The following POTEJ variants were observed in gnomAD, a reference collection of about 807,000 sequenced individuals.
POTEJ encodes the protein POTE ankyrin domain family member J.
Under a neutral mutation model 69.0 loss-of-function variants are expected in POTEJ, and 11 were observed. The ratio of observed to expected loss-of-function variants is 0.16; its 90% CI spans 0.10 to 0.26. The LOEUF is 0.26. POTEJ is among the 10% of genes least tolerant of loss of function. The pLI is 1.00. For missense variants in POTEJ, 327 were observed against 1,045.5 expected, an observed-to-expected ratio of 0.31 and a Z score of 9.48; for synonymous variants, 117 against 381.1, an observed-to-expected ratio of 0.31 and a Z score of 8.07.
At position 130,611,927 on chromosome 2, in the gene POTEJ, AG is replaced by A; in HGVS notation, c.397del (p.Asp133ThrfsTer19). 6.6e-7 allele frequency: 1 copy of A among 1,525,338 alleles called. No homozygotes were observed. The highest frequency in any genetic ancestry group is 9.0e-7 in the Non-Finnish European group (1 of 1,110,254). 94.5% of individuals were successfully genotyped at this position (1,525,338 alleles called of 1,614,324 possible). A position where few individuals can be genotyped will look rare whatever the true frequency, so the allele number is the denominator to read the frequency against. The part of the protein sequence containing the change: ...VMLRDTDVNK[Q>X]DKQKRTALHL... The stretch of plus-strand genomic sequence containing the variant: ...CTCAGGGACACTGACGTGAACAAGC[AG>A]GACAAGCAAAAGAGGTAACCAGGCC... On this transcript the variant is annotated frameshift_variant, in exon 1 of 15. Transcript: ENST00000409602. LOFTEE classifies it high-confidence loss of function.
chr2:130,612,476 G>T (rs1303201408), intron 1 of POTEJ, among the ~76,000 whole-genome samples: 8 of 152,262 alleles, frequency 5.3e-5, no homozygotes, highest in African/African-American at 9.7e-5. Context: ...CTTAAGATGT[G>T]AGCTTTTTGG....
chr2:130,637,595 G>T (rs1410825619), intron 9 of POTEJ, among the ~76,000 whole-genome samples: 15 of 152,198 alleles, frequency 9.9e-5, no homozygotes, highest in African/African-American at 3.4e-4. Context: ...TGTGATTTGC[G>T]CAATAAAAAT....
Position 130,636,866 on chromosome 2 carries a change from G to T in POTEJ, c.1299-1753G>T, listed in dbSNP as rs1188377228. Among the ~76,000 whole-genome samples the T allele has an allele frequency of 2.0e-5, 3 of 147,372 alleles. 1 individual carries two copies. Among genetic ancestry groups the T allele is most frequent in the Non-Finnish European group, 3.0e-5 (2 of 65,610 alleles). On this transcript the variant is annotated intron_variant, in intron 9 of 14. Coordinates refer to ENST00000409602, the MANE Select transcript of POTEJ (RefSeq NM_001277083.2). ...ACAGCACTTTGGGAGGCCAAGGCAG[G>T]CGGATCACGAGGTCAGGAGATCGAG...
intron 10 of POTEJ, among the ~76,000 whole-genome samples, chr2:130,640,572 T>A (rs1439817981): frequency 2.0e-5 from 3 of 151,892 alleles, no homozygotes; most frequent in Non-Finnish European, 2.9e-5. Flanking sequence ...TCTCCTTTCG[T>A]GGTTGGCTAA....
intron 10 of POTEJ, among the ~76,000 whole-genome samples, chr2:130,641,850 A>G (rs1220005802): frequency 5.3e-5 from 8 of 152,230 alleles, no homozygotes; most frequent in East Asian, 1.9e-4. Flanking sequence ...TCTGAAAGTC[A>G]GTAATAAATG....
chr2:130,629,496 TAC>T (rs1685829345), intron 6 of POTEJ, among the ~76,000 whole-genome samples: 1 of 140,458 alleles, frequency 7.1e-6, no homozygotes, highest in Non-Finnish European at 1.5e-5. Flanking sequence ...CTGGAGCCCA[TAC>T]CTGTGGGCTC....
chr2:130,657,033 G>T lies in POTEJ; in HGVS notation c.2273G>T (p.Arg758Leu), dbSNP rs566028178. The part of the protein sequence containing the change: ...IWHHTFYNEL[R>L]VAPEEHPILL... The stretch of plus-strand genomic sequence containing the variant: ...CACCACACCTTCTACAACGAGCTGC[G>T]TGTGGCCCCCGAGGAGCACCCCATC... Residue 758 changes from arginine to leucine, a missense_variant, in exon 15 of 15, where the codon CGT becomes CTT. By Grantham distance (102) the Arg-to-Leu change is moderately radical. Coordinates refer to ENST00000409602, the MANE Select transcript of POTEJ (RefSeq NM_001277083.2). 2.4e-4 allele frequency: 384 copies of T among 1,582,280 alleles called. 37 individuals carry two copies. Among genetic ancestry groups the T allele is most frequent in the Non-Finnish European group, 3.1e-4 (363 of 1,157,288 alleles).
chr2:130,637,649 C>T (rs1253617594), intron 9 of POTEJ, among the ~76,000 whole-genome samples: 25 of 152,374 alleles, frequency 1.6e-4, no homozygotes, highest in East Asian at 3.9e-4. Flanking sequence ...AGCCAAATAA[C>T]GTGTGGGGTG....
At position 130,625,888 on chromosome 2, in the gene POTEJ, A is replaced by C. The variant is rs1244048631; in HGVS notation, c.1015+1754A>C. On this transcript the variant is annotated intron_variant, in intron 6 of 14. Transcript: ENST00000409602. ...CCGGGTAGAATGCTTTGGACTGCAA[A>C]TACTAGATGAACAGTGGCTAAAACA... 3.0e-5 allele frequency among the ~76,000 whole-genome samples: 4 copies of C among 134,360 alleles called. 1 individual carries two copies. Among genetic ancestry groups the C allele is most frequent in the Non-Finnish European group, 6.2e-5 (4 of 64,030 alleles). 88.1% of individuals were successfully genotyped at this position (134,360 alleles called of 152,430 possible).
At position 130,624,103 on chromosome 2, in the gene POTEJ, G is replaced by T; in HGVS notation, c.984G>T (p.Met328Ile). 1 of 1,424,626 alleles carries T rather than the reference G, an allele frequency of 7.0e-7. No individual in the cohort carries two copies. Among genetic ancestry groups the T allele is most frequent in the South Asian group, 1.2e-5 (1 of 80,414 alleles). The allele number at this position is 1,424,626 out of a possible 1,614,324, so 88.2% of individuals were successfully genotyped here. ...QLLSDYKEKQ[M>I]LKISSENSNP... ...TTTCTGACTACAAAGAAAAACAGAT[G>T]CTAAAAATCTCTTCTGAAAACAGCA... Residue 328 changes from methionine (M) to isoleucine (I), a missense_variant, in exon 6 of 15, where the codon ATG (methionine) becomes ATT (isoleucine). Transcript: ENST00000409602.
chr2:130,641,870 A>C (rs1686391488), intron 10 of POTEJ, among the ~76,000 whole-genome samples: 1 of 152,238 alleles, frequency 6.6e-6, no homozygotes, highest in Admixed American at 6.5e-5. Flanking sequence ...GTCCATGTGC[A>C]TCACCGTCTG....
chr2:130,615,751 T>C (rs1161036742), intron 1 of POTEJ, among the ~76,000 whole-genome samples: 9 of 149,240 alleles, frequency 6.0e-5, no homozygotes, highest in African/African-American at 2.0e-4. Context: ...GGCACATGTA[T>C]CCCTGAATGT....
At chr2:130,611,299 T>TGG (rs1303951185), upstream of POTEJ, among the ~76,000 whole-genome samples, 589 of 43,154 alleles carry the variant, frequency 0.014, no homozygotes, top group South Asian at 0.018. Flanking sequence ...GGTGTTTTCT[T>TGG]GGGGGGGGGG....
intron 1 of POTEJ, among the ~76,000 whole-genome samples, chr2:130,613,012 GA>G (rs1685268991): frequency 7.4e-6 from 1 of 135,054 alleles, no homozygotes; most frequent in African/African-American, 2.8e-5. Context: ...AACAGAATAG[GA>G]AATTTAGAAA....
At chr2:130,631,175 C>T (rs534928239) in intron 7 of POTEJ, among the ~76,000 whole-genome samples, 2 of 148,648 alleles carry the variant, frequency 1.3e-5, no homozygotes, top group African/African-American at 5.2e-5. Flanking sequence ...TTATTTTTCA[C>T]ATGTTAGTCA....
chr2:130,624,067 T>G lies in POTEJ; in HGVS notation c.948T>G (p.Ile316Met), dbSNP rs529211577. Residue 316 changes from isoleucine to methionine, a missense_variant, in exon 6 of 15, where the codon ATT becomes ATG. Transcript: ENST00000409602. The stretch of plus-strand genomic sequence containing the variant: ...TTTATTACATTTTTATACATAGAAT[T>G]TGCCAGTTACTTTCTGACTACAAAG... ...EYAVSSHHHV[I>M]CQLLSDYKEK... 82 of 1,371,566 alleles carry G rather than the reference T, an allele frequency of 6.0e-5. 1 individual carries two copies. The East Asian group carries it at 1.9e-3, about 31-fold the overall frequency. 85.0% of individuals were successfully genotyped at this position (1,371,566 alleles called of 1,614,324 possible).
chr2:130,647,065 G>A (rs1186558913), intron 13 of POTEJ, among the ~76,000 whole-genome samples: 1 of 150,458 alleles, frequency 6.6e-6, no homozygotes, highest in Non-Finnish European at 1.5e-5. Context: ...AAAAAATTTG[G>A]AGCTAGTCTA....
Position 130,657,072 on chromosome 2 carries a change from C to T in POTEJ, c.2312C>T (p.Ala771Val), listed in dbSNP as rs1033612268. The change falls in exon 15 of 15, where the codon GCC becomes GTC. Residue 771 changes from alanine (A) to valine (V), a missense_variant. Transcript: ENST00000409602. ...GAGCACCCCATCCTGCTGACCGAGG[C>T]CCCCCTGAACCCCAAGGCCAACCGC... ...PEEHPILLTE[A>V]PLNPKANREK... is the part of the protein sequence containing the mutation. The T allele has an allele frequency of 1.3e-6, 2 of 1,580,622 alleles. No individual in the cohort carries two copies. Among genetic ancestry groups the T allele is most frequent in the Admixed American group, 1.7e-5 (1 of 59,092 alleles).
At chr2:130,646,796 C>T (rs1451646152) in intron 13 of POTEJ, among the ~76,000 whole-genome samples, 17 of 145,798 alleles carry the variant, frequency 1.2e-4, no homozygotes, top group African/African-American at 4.4e-4. Context: ...GAATATGTGG[C>T]ATTTGATTTT....
Sources: allele counts gnomAD v4.1 joint callset (sites outside exome capture counted in the v4.1 genomes callset), GRCh38; gene constraint gnomAD v4.1.1; transcripts MANE v1.5; gene names NCBI Gene and HGNC (gene_info 2026-07-23, HGNC 2026-07-21).